Variants in MRTFB observed in about 807,000 individuals in gnomAD.
The protein encoded by MRTFB is myocardin-related transcription factor B.
MRTFB carries 29 observed loss-of-function variants against 104.2 expected under a neutral mutation model. The ratio of observed to expected loss-of-function variants is 0.28; its 90% confidence interval spans 0.21 to 0.38. MRTFB has a LOEUF of 0.38. MRTFB is among the 10% of genes least tolerant of loss of function. The probability of loss-of-function intolerance (pLI) is 1.00; values close to 1 mark genes in which losing one functional copy is unlikely to be tolerated. For missense variants in MRTFB, 1,270 were observed against 1,341.6 expected (o/e 0.95, Z 0.83); for synonymous variants, 535 against 519.5 (o/e 1.03, Z -0.41).
In MRTFB at chr16:14,187,119, A is replaced by T. The variant is rs945664490; in HGVS notation, c.155-23124A>T. ...GAGCGTGTCTGTCTGTTACCATGCT[A>T]TGTGTCTGCTCTCTCTGTTCACTCA... On this transcript the variant is annotated intron_variant, in intron 3 of 16. Coordinates refer to ENST00000571589, the MANE Select transcript of MRTFB (RefSeq NM_001308142.2). 4 of 1,107,040 alleles carry T rather than the reference A, an allele frequency of 3.6e-6. No homozygotes were observed. The African/African-American group carries it at 6.3e-5, about 17-fold the overall frequency. The allele number at this position is 1,107,040 out of a possible 1,614,324, so 68.6% of individuals were successfully genotyped here.
chr16:14,079,384 A>G (rs1168624746), intron 2 of MRTFB, 30 bp downstream of exon 2: 1 of 347,522 alleles, frequency 2.9e-6, no homozygotes, highest in Non-Finnish European at 5.2e-6. Context: ...TTTTTTAACA[A>G]AGAAACTGTA....
intron 8 of MRTFB, among the ~76,000 whole-genome samples, chr16:14,230,287 C>A (rs1157292205): frequency 1.3e-5 from 2 of 152,152 alleles, no homozygotes; most frequent in Non-Finnish European, 2.9e-5. Context: ...GAAATGGGAT[C>A]TACTTAAACT....
In MRTFB at chr16:14,095,347, CTG is replaced by C. The variant is rs1190148847; in HGVS notation, c.-64+15996_-64+15997del. Among the ~76,000 whole-genome samples the C allele has an allele frequency of 3.3e-5, 5 of 152,324 alleles. No individual in the cohort carries two copies. The East Asian group carries it at 9.6e-4, about 29-fold the overall frequency. Reference sequence around the variant, plus strand: ...CCTTGTAGAGGATTCAAGATGCCCTCTGTGCTATTAATAATGGGAAATGGCTC... The same window carrying C: ...CCTTGTAGAGGATTCAAGATGCCCTCTGCTATTAATAATGGGAAATGGCTC... On this transcript the variant is annotated intron_variant, in intron 2 of 16. Transcript: ENST00000571589.
chr16:14,123,475 G>A (rs144271529), intron 2 of MRTFB, among the ~76,000 whole-genome samples: 1 of 152,152 alleles, frequency 6.6e-6, no homozygotes, highest in Admixed American at 6.5e-5. Flanking sequence ...TAAGGAAGGG[G>A]CCCAGTTTCA....
Position 14,118,973 on chromosome 16 carries a change from ATCCAT to A in MRTFB, c.-63-21568_-63-21564del, listed in dbSNP as rs767602785. Among the ~76,000 whole-genome samples the A allele has an allele frequency of 1.1e-4, 16 of 152,138 alleles. No individual in the cohort carries two copies. In the East Asian group the frequency reaches 1.5e-3, roughly 15 times the overall value. On this transcript the variant is annotated intron_variant, in intron 2 of 16. Coordinates refer to ENST00000571589, the MANE Select transcript of MRTFB (RefSeq NM_001308142.2). ...ATATTTTAGGACTACACTACAGTTT[ATCCAT>A]TCTTCTGTCAATGAGAGGTTTTGGT...
At chr16:14,257,886 G>A (rs1044456918) in intron 15 of MRTFB, among the ~76,000 whole-genome samples, 1 of 152,200 alleles carries the variant, frequency 6.6e-6, no homozygotes, top group East Asian at 1.9e-4. Flanking sequence ...AGAAATCGGT[G>A]GAGCTGGGTA....
At chr16:14,074,185 A>C (rs2033901158) in intron 1 of MRTFB, among the ~76,000 whole-genome samples, 1 of 152,200 alleles carries the variant, frequency 6.6e-6, no homozygotes, top group Non-Finnish European at 1.5e-5. Context: ...TCAAAACAGA[A>C]GGCTATACTT....
At chr16:14,226,796 G>A (rs2042021164) in intron 8 of MRTFB, among the ~76,000 whole-genome samples, 1 of 152,010 alleles carries the variant, frequency 6.6e-6, no homozygotes, top group Admixed American at 6.6e-5. Flanking sequence ...ACAACATAGT[G>A]AGACCTCATC....
At chr16:14,233,968 G>GC (rs531490798) in intron 8 of MRTFB, among the ~76,000 whole-genome samples, 178 bp from the exon 9 acceptor site, 4 of 151,970 alleles carry the variant, frequency 2.6e-5, no homozygotes, top group Non-Finnish European at 5.9e-5. Context: ...TAAATGATTG[G>GC]CTCCACTGAG....
At chr16:14,209,299 T>A (rs557148863) in intron 3 of MRTFB, among the ~76,000 whole-genome samples, 40 of 152,362 alleles carry the variant, frequency 2.6e-4, no homozygotes, top group African/African-American at 8.2e-4. Flanking sequence ...GTAATTTTTT[T>A]AAGCATATTG....
intron 1 of MRTFB, among the ~76,000 whole-genome samples, chr16:14,076,352 G>A (rs1182044210): frequency 6.6e-6 from 1 of 151,884 alleles, no homozygotes; most frequent in East Asian, 1.9e-4. Flanking sequence ...GTGCCACCAG[G>A]CCCGGATAAT....
At chr16:14,003,722 A>G in the MRTFB span, among the ~76,000 whole-genome samples, 1 of 139,226 alleles carries the variant, frequency 7.2e-6, no homozygotes, top group African/African-American at 2.7e-5. Context: ...CCTCCCTGCC[A>G]TGCTACAATA....
At chr16:14,153,325 C>T (rs1390431624) in intron 3 of MRTFB, 1 of 152,112 alleles carries the variant, frequency 6.6e-6, no homozygotes, top group Non-Finnish European at 1.5e-5. Context: ...TATTGCTTTT[C>T]TAGTATGTTT....
chr16:14,035,355 C>G, the MRTFB span, among the ~76,000 whole-genome samples: 1 of 152,144 alleles, frequency 6.6e-6, no homozygotes, highest in Non-Finnish European at 1.5e-5. Flanking sequence ...TCCAACTGAT[C>G]TGCAGGCAGC....
At chr16:14,066,999 T>C (rs1018142597), upstream of MRTFB, among the ~76,000 whole-genome samples, 3 of 151,988 alleles carry the variant, frequency 2.0e-5, no homozygotes, top group African/African-American at 7.3e-5. Flanking sequence ...TGTTTGTTGT[T>C]TTCAAAGAAT....
Position 14,263,459 on chromosome 16 carries a change from C to T in MRTFB, c.*2015C>T, listed in dbSNP as rs2043844507. Reference sequence around the variant, plus strand: ...GGCCTATCAGGTCCATACTTAGACCCTGAGCATCTTCTTCATTCAGATTTG... The same window carrying T: ...GGCCTATCAGGTCCATACTTAGACCTTGAGCATCTTCTTCATTCAGATTTG... On this transcript the variant is annotated 3_prime_UTR_variant, in exon 17 of 17. Transcript: ENST00000571589. The T allele has an allele frequency of 6.6e-6, 1 of 152,188 alleles. No individual in the cohort carries two copies. Among genetic ancestry groups the T allele is most frequent in the African/African-American group, 2.4e-5 (1 of 41,446 alleles). The allele number at this position is 152,188 out of a possible 1,614,324, so 9.4% of individuals were successfully genotyped here.
Position 14,218,972 on chromosome 16 carries a change from C to G in MRTFB, c.667C>G (p.Pro223Ala). 6.2e-7 allele frequency: 1 copy of G among 1,614,010 alleles called. No individual in the cohort carries two copies. The highest frequency in any genetic ancestry group is 8.5e-7 in the Non-Finnish European group (1 of 1,179,948). ...GCCAAAAGTTAGTGAATCGCCATCT[C>G]CTGTGACTACAAACACTCCAGCGCA... ...SEPKVSESPS[P>A]VTTNTPAQFA... Residue 223 changes from proline (P) to alanine (A), a missense_variant, in exon 8 of 17, where the codon CCT (proline) becomes GCT (alanine). Pro to Ala is a conservative substitution (Grantham distance 27). Around this residue, in one of 3 missense-constraint regions of MRTFB, gnomAD observed 1,144 missense variants for 1,131.5 expected, o/e 1.01. Coordinates refer to ENST00000571589, the MANE Select transcript of MRTFB (RefSeq NM_001308142.2).
intron 2 of MRTFB, among the ~76,000 whole-genome samples, chr16:14,136,434 A>G (rs973387422): frequency 2.0e-5 from 3 of 152,224 alleles, no homozygotes; most frequent in African/African-American, 4.8e-5. Context: ...AGGTTCAGCT[A>G]GACCATTGAT....
the MRTFB span, among the ~76,000 whole-genome samples, chr16:14,023,319 C>T: frequency 4.6e-3 from 692 of 152,054 alleles, 4 homozygotes; most frequent in African/African-American, 0.016. Flanking sequence ...GTAGTGTGTG[C>T]CTGTAGTCCC....
Sources: allele counts gnomAD v4.1 joint callset (sites outside exome capture counted in the v4.1 genomes callset), GRCh38; gene constraint gnomAD v4.1.1; regional missense constraint gnomAD v4.1.1; transcripts MANE v1.5; gene names NCBI Gene and HGNC (gene_info 2026-07-23, HGNC 2026-07-21).